PCCB: variants seen among roughly 807,000 people sequenced by gnomAD.
The protein encoded by PCCB is propionyl-CoA carboxylase beta chain, mitochondrial.
A neutral mutation model predicts 60.7 loss-of-function variants in PCCB; 43 were observed. The observed-to-expected ratio is 0.71, with a 90% CI of 0.55 to 0.91. The LOEUF (loss-of-function observed/expected upper bound fraction) is 0.91. PCCB is among the 40% of genes least tolerant of loss of function. The pLI, the probability that PCCB is intolerant of heterozygous loss-of-function variation, is 0.00. For missense variants in PCCB, 766 were observed against 702.8 expected (o/e 1.09, Z -1.02); for synonymous variants, 276 against 255.9 (o/e 1.08, Z -0.75).
At chr3:136,254,961 C>G (rs1941630358) in intron 1 of PCCB, among the ~76,000 whole-genome samples, 1 of 151,492 alleles carries the variant, frequency 6.6e-6, no homozygotes, top group Admixed American at 6.6e-5. Context: ...ACTGCAAGCT[C>G]TGCCTCCTGG....
chr3:136,280,457 C>T (rs963196935), intron 5 of PCCB, among the ~76,000 whole-genome samples: 1 of 152,122 alleles, frequency 6.6e-6, no homozygotes, highest in African/African-American at 2.4e-5. Flanking sequence ...ATGATTCTCC[C>T]TCCTCAGCCT....
In PCCB at chr3:136,279,868, G is replaced by A. The variant is rs539142425; in HGVS notation, c.544-3969G>A. 1.2e-4 allele frequency among the ~76,000 whole-genome samples: 18 copies of A among 152,010 alleles called. No individual in the cohort carries two copies. The East Asian group carries it at 1.6e-3, about 13-fold the overall frequency. On this transcript the variant is annotated intron_variant, in intron 5 of 14. Transcript: ENST00000251654. ...TTTTTAGTAGAGACGGGGTTTCACC[G>A]TGTTAGCCAGGATGGTCTCGATCTC...
At chr3:136,267,378 A>G (rs975154208) in intron 5 of PCCB, among the ~76,000 whole-genome samples, 1 of 152,084 alleles carries the variant, frequency 6.6e-6, no homozygotes, top group South Asian at 2.1e-4. Flanking sequence ...TTTTGTGTGT[A>G]GAGATGGGGT....
intron 8 of PCCB, among the ~76,000 whole-genome samples, chr3:136,300,589 G>A (rs1300372917): frequency 6.6e-6 from 1 of 152,186 alleles, no homozygotes; most frequent in Admixed American, 6.5e-5. Context: ...AACCTAACAG[G>A]GAATGTGAAC....
At chr3:136,310,562 T>G (rs1002634198) in intron 9 of PCCB, among the ~76,000 whole-genome samples, 2 of 152,162 alleles carry the variant, frequency 1.3e-5, no homozygotes, top group African/African-American at 4.8e-5. Flanking sequence ...CATGTGGAAT[T>G]TCTGAGACCT....
chr3:136,312,849 A>G (rs899448252), intron 9 of PCCB, among the ~76,000 whole-genome samples: 1 of 152,216 alleles, frequency 6.6e-6, no homozygotes, highest in Non-Finnish European at 1.5e-5. Flanking sequence ...TCTTGGCAGC[A>G]TGTATCCCAG....
Position 136,302,568 on chromosome 3 carries a change from TTTA to T in PCCB, c.966+1468_966+1470del, listed in dbSNP as rs1167534896. On this transcript the variant is annotated intron_variant, in intron 9 of 14. Coordinates refer to ENST00000251654, the MANE Select transcript of PCCB (RefSeq NM_000532.5). ...TTTTATTTATTTATTTTTATTTTAT[TTTA>T]TTATTATTATACTTTAAGTTTTAGG... Among the ~76,000 whole-genome samples, 4 of 119,800 alleles carry T rather than the reference TTTA, an allele frequency of 3.3e-5. 2 individuals are homozygous for T. Among genetic ancestry groups the T allele is most frequent in the Non-Finnish European group, 7.4e-5 (4 of 54,096 alleles). 78.6% of individuals were successfully genotyped at this position (119,800 alleles called of 152,430 possible). A position where few individuals can be genotyped will look rare whatever the true frequency, so the allele number is the denominator to read the frequency against.
At position 136,262,018 on chromosome 3, in the gene PCCB, A is replaced by G. The variant is rs552844632; in HGVS notation, c.496A>G (p.Ile166Val). Residue 166 changes from isoleucine (I) to valine (V), a missense_variant, in exon 5 of 15, where the codon ATC becomes GTC. Transcript: ENST00000251654. ...GCTGAATGACTCTGGGGGAGCACGG[A>G]TCCAAGAAGGAGTGGAGTCTTTGGC... ...IGLNDSGGARIQEGVESLAGY... is the reference protein window; with the variant it reads ...IGLNDSGGARVQEGVESLAGY... The G allele has an allele frequency of 1.9e-6, 3 of 1,560,596 alleles. No individual in the cohort carries two copies. The South Asian group carries it at 3.5e-5, about 18-fold the overall frequency.
At chr3:136,325,195 T>A (rs1487223598) in intron 10 of PCCB, among the ~76,000 whole-genome samples, 1 of 152,054 alleles carries the variant, frequency 6.6e-6, no homozygotes, top group Non-Finnish European at 1.5e-5. Flanking sequence ...TGGCCATTTT[T>A]TTTTGTTCTT....
Position 136,301,120 on chromosome 3 carries a change from C to T in PCCB, c.966+9C>T, listed in dbSNP as rs1325021223. 5 of 1,606,376 alleles carry T rather than the reference C, an allele frequency of 3.1e-6. No individual in the cohort carries two copies. Among genetic ancestry groups the T allele is most frequent in the African/African-American group, 1.3e-5 (1 of 74,778 alleles). On this transcript the variant is annotated intron_variant, in intron 9 of 14. Coordinates refer to ENST00000251654, the MANE Select transcript of PCCB (RefSeq NM_000532.5). ...TGGACATCATACACTCTGTAAGTGC[C>T]ACATCTGTTTGTCTTGCCTGTCCTA...
At chr3:136,262,789 A>G (rs975559511) in intron 5 of PCCB, among the ~76,000 whole-genome samples, 5 of 152,158 alleles carry the variant, frequency 3.3e-5, no homozygotes, top group East Asian at 3.8e-4. Context: ...CTGCAGGCTT[A>G]CTTCTGTGGA....
intron 1 of PCCB, among the ~76,000 whole-genome samples, chr3:136,251,611 G>T (rs1244028891): frequency 6.6e-6 from 1 of 152,152 alleles, no homozygotes; most frequent in Non-Finnish European, 1.5e-5. Flanking sequence ...GGTTTGTGGT[G>T]CTAGGAGTGC....
At chr3:136,264,936 C>A (rs1941946135) in intron 5 of PCCB, among the ~76,000 whole-genome samples, 1 of 151,122 alleles carries the variant, frequency 6.6e-6, no homozygotes, top group Non-Finnish European at 1.5e-5. Flanking sequence ...TGGCTCATGC[C>A]TGTGATCCCA....
chr3:136,287,595 C>T (rs763209198), intron 6 of PCCB, among the ~76,000 whole-genome samples: 24 of 151,864 alleles, frequency 1.6e-4, no homozygotes, highest in African/African-American at 3.4e-4. Flanking sequence ...ACCACACACC[C>T]GGCTAATTTT....
Position 136,298,064 on chromosome 3 carries a change from C to G in PCCB, c.876C>G (p.His292Gln), listed in dbSNP as rs776893713. 11 of 1,614,028 alleles carry G rather than the reference C, an allele frequency of 6.8e-6. No homozygotes were observed. Among genetic ancestry groups the G allele is most frequent in the African/African-American group, 5.3e-5 (4 of 74,934 alleles). ...SQDPAPVREC[H>Q]DPSDRLVPEL... ...ACCCGGCTCCCGTCCGTGAGTGCCA[C>G]GATCCCAGGTGGGTTGTAGGCCGGT... The change falls in exon 8 of 15, where the codon CAC (histidine) becomes CAG (glutamine). Residue 292 changes from histidine to glutamine, a missense_variant. His to Gln is a conservative substitution (Grantham distance 24). Transcript: ENST00000251654.
chr3:136,326,177 T>A, intron 10 of PCCB: 1 of 571,324 alleles, frequency 1.8e-6, no homozygotes, highest in Non-Finnish European at 3.1e-6. Flanking sequence ...AATTTTTCAT[T>A]TATGTTTTTG....
At chr3:136,250,978 T>A (rs2108128931) in intron 1 of PCCB, among the ~76,000 whole-genome samples, 1 of 152,336 alleles carries the variant, frequency 6.6e-6, no homozygotes, top group South Asian at 2.1e-4. Flanking sequence ...TGGTAGGTTC[T>A]TTCTCCTTTG....
At chr3:136,312,161 G>A (rs182058318) in intron 9 of PCCB, among the ~76,000 whole-genome samples, 13 of 152,338 alleles carry the variant, frequency 8.5e-5, no homozygotes, top group East Asian at 1.9e-4. Context: ...CACGCGTTGC[G>A]TAACAACAGG....
At position 136,293,861 on chromosome 3, in the gene PCCB, T is replaced by C; in HGVS notation, c.760T>C (p.Ser254Pro). The C allele has an allele frequency of 6.4e-7, 1 of 1,569,520 alleles. No individual in the cohort carries two copies. Among genetic ancestry groups the C allele is most frequent in the Non-Finnish European group, 8.8e-7 (1 of 1,139,472 alleles). The change falls in exon 7 of 15, where the codon TCA (serine) becomes CCA (proline). Residue 254 changes from serine to proline, a missense_variant. By Grantham distance (74) the Ser-to-Pro change is moderately conservative. Transcript: ENST00000251654. ...LGGAKTHTTM[S>P]GVAHRAFEND... ...TGGTGCCAAGACCCACACCACCATG[T>C]CAGGTGAGAGGCCTTGAAGATGACC... is the stretch of plus-strand genomic sequence containing the variant.
Sources: allele counts gnomAD v4.1 joint callset (sites outside exome capture counted in the v4.1 genomes callset), GRCh38; gene constraint gnomAD v4.1.1; transcripts MANE v1.5; gene names NCBI Gene and HGNC (gene_info 2026-07-23, HGNC 2026-07-21).